PCDHGB1: variants seen among roughly 807,000 people sequenced by gnomAD.
PCDHGB1 encodes the protein protocadherin gamma-B1.
PCDHGB1 carries 34 observed loss-of-function variants against 56.6 expected under a neutral mutation model. The ratio of observed to expected loss-of-function variants is 0.60; its 90% CI spans 0.46 to 0.80. The LOEUF is 0.80. Among genes scored for constraint, PCDHGB1 ranks in the 30% least tolerant of loss-of-function variants. The pLI is 0.00. For synonymous variants in PCDHGB1, 561 were observed against 505.9 expected (o/e 1.11, Z -1.46); for missense variants, 1,278 against 1,204.6 (o/e 1.06, Z -0.90).
In PCDHGB1 at chr5:141,431,377, T is replaced by A; in HGVS notation, c.2410-63430T>A. 1 of 1,613,426 alleles carries A rather than the reference T, an allele frequency of 6.2e-7. No individual in the cohort carries two copies. Among genetic ancestry groups the A allele is most frequent in the Non-Finnish European group, 8.5e-7 (1 of 1,179,558 alleles). ...GCGCCCTGGACCGCGAAGAAAAGGC[T>A]GCTCACCACCTGGTCCTTACGGCCT... is the stretch of plus-strand genomic sequence containing the variant. On this transcript the variant is annotated intron_variant, in intron 1 of 3. Coordinates refer to ENST00000523390, the MANE Select transcript of PCDHGB1 (RefSeq NM_018922.3). This position sits in a 1 kb window ranked among gnomAD's most constrained non-coding sequence, Gnocchi z 4.8.
At chr5:141,419,744 G>A (rs760207269) in intron 1 of PCDHGB1, 28 of 1,613,778 alleles carry the variant, frequency 1.7e-5, no homozygotes, top group East Asian at 2.2e-5. Context: ...GGTGCGCATG[G>A]TGCGTGCTTT....
intron 1 of PCDHGB1, chr5:141,423,314 T>C: frequency 6.2e-7 from 1 of 1,614,178 alleles, no homozygotes; most frequent in Non-Finnish European, 8.5e-7. Context: ...TACTTGGTGG[T>C]GGCGGTGGCC....
chr5:141,491,254 G>A lies in PCDHGB1; in HGVS notation c.2410-3553G>A, dbSNP rs746242389. ...GCTGGTTCTGGAGGATGAGGACCCT[G>A]AGGAAATGCCCAAATCCAGTGACTT... is the stretch of plus-strand genomic sequence containing the variant. On this transcript the variant is annotated intron_variant, in intron 1 of 3. Coordinates refer to ENST00000523390, the MANE Select transcript of PCDHGB1 (RefSeq NM_018922.3). This position sits in a 1 kb window ranked among gnomAD's most constrained non-coding sequence, Gnocchi z 6.9. 24 of 1,614,198 alleles carry A rather than the reference G, an allele frequency of 1.5e-5. No individual in the cohort carries two copies. The highest frequency in any genetic ancestry group is 2.0e-5 in the Non-Finnish European group (24 of 1,180,018).
chr5:141,353,771 T>C, intron 1 of PCDHGB1, among the ~76,000 whole-genome samples: 1 of 152,240 alleles, frequency 6.6e-6, no homozygotes, highest in South Asian at 2.1e-4. Flanking sequence ...TTTTAATGCA[T>C]ACTGTCAAAT....
chr5:141,415,496 T>C, intron 1 of PCDHGB1: 1 of 1,614,070 alleles, frequency 6.2e-7, no homozygotes. Flanking sequence ...CACCTGATCT[T>C]CCCCCAGCCC....
intron 1 of PCDHGB1, chr5:141,420,388 A>G (rs986892784): frequency 3.1e-6 from 4 of 1,282,144 alleles, no homozygotes; most frequent in Non-Finnish European, 4.1e-6. Context: ...TTCGCAAAAT[A>G]TAGGTCAAAT....
intron 1 of PCDHGB1, among the ~76,000 whole-genome samples, chr5:141,470,752 C>T (rs1427502169): frequency 6.6e-6 from 1 of 152,178 alleles, no homozygotes; most frequent in Non-Finnish European, 1.5e-5. Flanking sequence ...GGCTGGAGTG[C>T]AGTGGACTCA....
intron 1 of PCDHGB1, chr5:141,427,761 G>A (rs1228905550): frequency 3.7e-6 from 5 of 1,366,246 alleles, no homozygotes; most frequent in Non-Finnish European, 4.1e-6. Flanking sequence ...CGTTACCACT[G>A]ACTTGGAGCT....
At chr5:141,464,223 CCACTGCA>C (rs916210777) in intron 1 of PCDHGB1, among the ~76,000 whole-genome samples, 4 of 150,824 alleles carry the variant, frequency 2.7e-5, no homozygotes, top group Non-Finnish European at 4.4e-5. Flanking sequence ...TGAGATTGCG[CCACTGCA>C]CTCCAGCCTG....
rs72790032 is a variant in PCDHGB1 at position 141,393,544 on chromosome 5, A to G, written c.2409+40875A>G. On this transcript the variant is annotated intron_variant, in intron 1 of 3. Coordinates refer to ENST00000523390, the MANE Select transcript of PCDHGB1 (RefSeq NM_018922.3). ...AATGACAATGCCCCGGTTTTTCCTC[A>G]CCCGATTTACCGAGTGAAAGTCCTT... 18,579 of 1,613,800 alleles carry G rather than the reference A, an allele frequency of 0.012. 149 individuals carry two copies. The highest frequency in any genetic ancestry group is 0.014 in the Non-Finnish European group (16,983 of 1,179,880).
intron 1 of PCDHGB1, chr5:141,356,654 C>G (rs771447398): frequency 6.2e-7 from 1 of 1,613,898 alleles, no homozygotes; most frequent in African/African-American, 1.3e-5. Context: ...GGTGACAATG[C>G]CCGAATCACT....
intron 1 of PCDHGB1, chr5:141,427,971 C>A (rs764145525): frequency 1.3e-6 from 2 of 1,593,630 alleles, no homozygotes; most frequent in Non-Finnish European, 1.7e-6. Flanking sequence ...GGTGCTGTAC[C>A]CCGCGCTGGG....
At chr5:141,423,167 T>C in intron 1 of PCDHGB1, 1 of 1,613,424 alleles carries the variant, frequency 6.2e-7, no homozygotes, top group Non-Finnish European at 8.5e-7. Context: ...GTGGTGGCCG[T>C]CCAGGACCAC....
chr5:141,376,266 C>T (rs200515281), intron 1 of PCDHGB1: 171 of 1,614,088 alleles, frequency 1.1e-4, no homozygotes, highest in Non-Finnish European at 1.3e-4. Context: ...CTGCAGGCTT[C>T]GGGAGGTGGC....
In PCDHGB1 at chr5:141,421,081, A is replaced by C. The variant is rs775366249; in HGVS notation, c.2409+68412A>C. 61 of 637,820 alleles carry C rather than the reference A, an allele frequency of 9.6e-5. 1 individual carries two copies. The Middle Eastern group carries it at 2.9e-3, about 31-fold the overall frequency. The allele number at this position is 637,820 out of a possible 1,614,324, so 39.5% of individuals were successfully genotyped here. ...ACAAAGCGGAATGAGATGGATACTCACAGATCCTGACACTGGAGACTTAGA... is the reference window on the plus strand; with the variant it reads ...ACAAAGCGGAATGAGATGGATACTCCCAGATCCTGACACTGGAGACTTAGA... On this transcript the variant is annotated intron_variant, in intron 1 of 3. Coordinates refer to ENST00000523390, the MANE Select transcript of PCDHGB1 (RefSeq NM_018922.3).
At chr5:141,404,568 G>A (rs2094540345) in intron 1 of PCDHGB1, 1 of 1,613,868 alleles carries the variant, frequency 6.2e-7, no homozygotes, top group Non-Finnish European at 8.5e-7. Flanking sequence ...GACAGTGGAA[G>A]CCCACCACTT....
At chr5:141,463,587 T>TA (rs2099064735) in intron 1 of PCDHGB1, among the ~76,000 whole-genome samples, 1 of 152,058 alleles carries the variant, frequency 6.6e-6, no homozygotes, top group East Asian at 1.9e-4. Context: ...TAGCTGGGAC[T>TA]ACAGGTGCCT....
intron 1 of PCDHGB1, chr5:141,403,018 G>A (rs752656852): frequency 9.3e-6 from 15 of 1,613,966 alleles, no homozygotes; most frequent in South Asian, 1.1e-5. Context: ...TCCTGGGGAT[G>A]CTATGGGAGG....
At chr5:141,396,944 G>A (rs983363091) in intron 1 of PCDHGB1, among the ~76,000 whole-genome samples, 1 of 152,166 alleles carries the variant, frequency 6.6e-6, no homozygotes, top group African/African-American at 2.4e-5. Context: ...GCCCTGGTAG[G>A]AAAGAAAATC....
Sources: gnomAD v4.1 joint callset for allele counts (sites outside exome capture counted in the v4.1 genomes callset) on GRCh38, gnomAD v4.1.1 for gene constraint, Gnocchi (gnomAD v3.1) non-coding constraint, MANE v1.5 for transcripts, NCBI Gene and HGNC (gene_info 2026-07-23, HGNC 2026-07-21) for gene names.